Variants in SCAPER observed in about 807,000 individuals in gnomAD.
SCAPER encodes the protein S-phase cyclin A associated protein in the ER, also known as S phase cyclin A-associated protein in the endoplasmic reticulum.
In SCAPER, 98 loss-of-function variants were observed where a neutral mutation model predicts 182.2. The observed-to-expected ratio is 0.54, with a 90% CI of 0.46 to 0.64. The LOEUF (loss-of-function observed/expected upper bound fraction) is 0.64, where lower values mean the gene tolerates loss of function less well. Ranked by LOEUF, SCAPER falls within the 30% of genes least tolerant of loss-of-function variation. The pLI, the probability that SCAPER is intolerant of heterozygous loss-of-function variation, is 0.00. For missense variants in SCAPER, 1,432 were observed against 1,690.0 expected (o/e 0.85, Z 2.68); for synonymous variants, 605 against 564.6 (o/e 1.07, Z -1.01).
intron 21 of SCAPER, among the ~76,000 whole-genome samples, chr15:76,652,812 G>A (rs140660890): frequency 1.2e-4 from 18 of 151,952 alleles, no homozygotes; most frequent in African/African-American, 4.3e-4. Context: ...CTTGGATCTG[G>A]AACAAGACAA....
intron 21 of SCAPER, among the ~76,000 whole-genome samples, chr15:76,645,045 C>T (rs1250359376): frequency 6.6e-6 from 1 of 152,052 alleles, no homozygotes; most frequent in African/African-American, 2.4e-5. Flanking sequence ...TGAAAACATA[C>T]ATATTTTTTC....
chr15:76,624,170 T>G (rs1246780026), intron 21 of SCAPER, among the ~76,000 whole-genome samples: 1 of 152,244 alleles, frequency 6.6e-6, no homozygotes, highest in East Asian at 1.9e-4. Context: ...AAAAGGCTCC[T>G]AGAACCGATA....
At chr15:76,627,927 TTC>T (rs2052737159) in intron 21 of SCAPER, among the ~76,000 whole-genome samples, 1 of 152,196 alleles carries the variant, frequency 6.6e-6, no homozygotes, top group African/African-American at 2.4e-5. Context: ...GCACTCCTAT[TTC>T]TCCACAACCT....
At chr15:76,480,330 T>C (rs1397004903) in intron 24 of SCAPER, among the ~76,000 whole-genome samples, 3 of 152,230 alleles carry the variant, frequency 2.0e-5, no homozygotes, top group African/African-American at 7.2e-5. Context: ...TCTTTAGATA[T>C]TATTTAAAAG....
rs1008073297 is a variant in SCAPER, at chr15:76,698,892, T to C, written c.2508+2866A>G. On this transcript the variant is annotated intron_variant, in intron 20 of 31. Coordinates refer to ENST00000563290, the MANE Select transcript of SCAPER (RefSeq NM_020843.4). ...TAACAATACTGACTCTTCCTATCCA[T>C]GAGCATGGAACATTTTTGCATTTGT... 2.0e-5 allele frequency among the ~76,000 whole-genome samples: 3 copies of C among 152,252 alleles called. 1 individual carries two copies. Among genetic ancestry groups the C allele is most frequent in the South Asian group, 4.1e-4 (2 of 4,834 alleles).
chr15:76,362,087 T>A (rs1490627091), intron 29 of SCAPER, among the ~76,000 whole-genome samples: 1 of 151,610 alleles, frequency 6.6e-6, no homozygotes, highest in Non-Finnish European at 1.5e-5. Context: ...ATTCTCCTGC[T>A]TCAGCCTCTC....
At chr15:76,664,385 AG>A (rs1418356209) in intron 21 of SCAPER, among the ~76,000 whole-genome samples, 1 of 152,206 alleles carries the variant, frequency 6.6e-6, no homozygotes, top group Non-Finnish European at 1.5e-5. Context: ...GAGGTGTAGG[AG>A]AAAGACAGAT....
At chr15:76,780,834 C>T (rs530616715) in intron 8 of SCAPER, among the ~76,000 whole-genome samples, 1 of 151,616 alleles carries the variant, frequency 6.6e-6, no homozygotes, top group East Asian at 2.0e-4. Flanking sequence ...AAAGGAATAG[C>T]ATCAACATCA....
intron 23 of SCAPER, among the ~76,000 whole-genome samples, chr15:76,514,562 C>G (rs2042279094): frequency 2.0e-5 from 3 of 152,168 alleles, no homozygotes; most frequent in Admixed American, 2.0e-4. Context: ...TCTTTGTGAT[C>G]AGGGAGGAAG....
At chr15:76,514,055 C>T (rs1420730107) in intron 23 of SCAPER, among the ~76,000 whole-genome samples, 1 of 152,168 alleles carries the variant, frequency 6.6e-6, no homozygotes, top group Admixed American at 6.5e-5. Context: ...GGGCCAAGCA[C>T]AGGATGCACA....
chr15:76,726,991 G>C (rs2060634288), intron 17 of SCAPER, among the ~76,000 whole-genome samples: 2 of 151,888 alleles, frequency 1.3e-5, no homozygotes, highest in South Asian at 2.1e-4. Context: ...TGATTAAAAT[G>C]ATAAATTTCA....
At chr15:76,700,277 C>T (rs532532979) in intron 20 of SCAPER, among the ~76,000 whole-genome samples, 82 of 152,304 alleles carry the variant, frequency 5.4e-4, no homozygotes, top group African/African-American at 1.9e-3. Context: ...TCTGGCTGCC[C>T]TCCACAGCAG....
chr15:76,525,283 C>A (rs879332640), intron 23 of SCAPER, among the ~76,000 whole-genome samples: 2 of 152,086 alleles, frequency 1.3e-5, no homozygotes, highest in Non-Finnish European at 2.9e-5. Flanking sequence ...CCTTAGCATA[C>A]TTTAACTCCC....
chr15:76,543,000 A>G (rs1238218073), intron 23 of SCAPER, among the ~76,000 whole-genome samples: 1 of 152,194 alleles, frequency 6.6e-6, no homozygotes, highest in Admixed American at 6.5e-5. Flanking sequence ...TATATACCCC[A>G]AACTCAGTAC....
intron 24 of SCAPER, 101 bp from the exon 25 acceptor site, chr15:76,471,436 G>C: frequency 7.5e-7 from 1 of 1,326,576 alleles, no homozygotes; most frequent in East Asian, 2.7e-5. Flanking sequence ...ACAGGCATGA[G>C]ATGGAAGTCA....
intron 10 of SCAPER, among the ~76,000 whole-genome samples, chr15:76,768,353 T>A (rs2063232992): frequency 6.6e-6 from 1 of 152,244 alleles, no homozygotes; most frequent in Non-Finnish European, 1.5e-5. Context: ...TTCAGTGGAC[T>A]ATACTATTTG....
At chr15:76,714,524 T>C (rs957360949) in intron 17 of SCAPER, among the ~76,000 whole-genome samples, 3 of 138,326 alleles carry the variant, frequency 2.2e-5, no homozygotes, top group African/African-American at 8.2e-5. Context: ...ACCATTCTAG[T>C]AGTAGTAGTG....
At chr15:76,838,453 T>A (rs2069147066) in intron 5 of SCAPER, among the ~76,000 whole-genome samples, 1 of 152,222 alleles carries the variant, frequency 6.6e-6, no homozygotes, top group Admixed American at 6.5e-5. Flanking sequence ...GAAGCTCCTA[T>A]GACTCTAATA....
intron 10 of SCAPER, among the ~76,000 whole-genome samples, chr15:76,767,565 CAT>C (rs1188052399): frequency 6.6e-6 from 1 of 151,998 alleles, no homozygotes; most frequent in African/African-American, 2.4e-5. Flanking sequence ...TAAAAATATA[CAT>C]GAGATTCATT....
Sources: gnomAD v4.1 joint callset for allele counts (sites outside exome capture counted in the v4.1 genomes callset) on GRCh38, gnomAD v4.1.1 for gene constraint, MANE v1.5 for transcripts, NCBI Gene and HGNC (gene_info 2026-07-23, HGNC 2026-07-21) for gene names.